Variants in NEDD9 observed in about 807,000 individuals in gnomAD.
NEDD9 encodes neural precursor cell expressed, developmentally down-regulated 9.
Under a neutral mutation model 76.6 loss-of-function variants are expected in NEDD9, and 26 were observed. The observed-to-expected ratio is 0.34, with a 90% CI of 0.25 to 0.47. The LOEUF is 0.47. Ranked by LOEUF, NEDD9 falls within the 20% of genes least tolerant of loss-of-function variation. The pLI, the probability that NEDD9 is intolerant of heterozygous loss-of-function variation, is 1.00. For synonymous variants in NEDD9, 392 were observed against 414.2 expected, an observed-to-expected ratio of 0.95 and a Z score of 0.65; for missense variants, 937 against 1,058.5, an observed-to-expected ratio of 0.89 and a Z score of 1.59.
chr6:11,232,793 G>C, upstream of NEDD9: 2 of 1,106,720 alleles, frequency 1.8e-6, no homozygotes, highest in South Asian at 3.7e-5. Context: ...AACTGACAAA[G>C]AACTTGTAAT....
At position 11,232,524 on chromosome 6, in the gene NEDD9, C is replaced by A; in HGVS notation, c.-9G>T. 6.2e-7 allele frequency: 1 copy of A among 1,614,206 alleles called. No homozygotes were observed. Among genetic ancestry groups the A allele is most frequent in the Non-Finnish European group, 8.5e-7 (1 of 1,180,032 alleles). ...CTTACCTTATACTTCATTTCGGCAG[C>A]GGTGGGTTGAGCCGTTTTCCTACAC... On this transcript the variant is annotated 5_prime_UTR_variant, in exon 1 of 7. Coordinates refer to ENST00000379446, the MANE Select transcript of NEDD9 (RefSeq NM_006403.4).
chr6:11,323,767 G>A (rs1298294172), intron 2 of NEDD9, among the ~76,000 whole-genome samples: 2 of 152,222 alleles, frequency 1.3e-5, no homozygotes, highest in Admixed American at 6.5e-5. Flanking sequence ...CTGTGGTGTT[G>A]CAAAGTCTCC....
At chr6:11,367,866 A>G (rs1185438521) in intron 1 of NEDD9, among the ~76,000 whole-genome samples, 3 of 152,046 alleles carry the variant, frequency 2.0e-5, no homozygotes, top group Admixed American at 6.6e-5. Context: ...TCTACACAGC[A>G]CCCCTTGCAA....
chr6:11,355,423 A>T (rs1368019908), intron 1 of NEDD9, among the ~76,000 whole-genome samples: 1 of 152,192 alleles, frequency 6.6e-6, no homozygotes, highest in Non-Finnish European at 1.5e-5. Flanking sequence ...AACAACAACA[A>T]CAATAATAAA....
At chr6:11,302,270 A>G (rs1761068168) in intron 3 of NEDD9, among the ~76,000 whole-genome samples, 1 of 152,218 alleles carries the variant, frequency 6.6e-6, no homozygotes, top group Admixed American at 6.5e-5. Flanking sequence ...ATCTAGAAGA[A>G]ATGGATAAAT....
At chr6:11,318,464 C>T (rs182552742) in intron 2 of NEDD9, among the ~76,000 whole-genome samples, 6 of 152,248 alleles carry the variant, frequency 3.9e-5, no homozygotes, top group Admixed American at 6.5e-5. Flanking sequence ...TGTCTGTGAT[C>T]GCTGACGGCG....
intron 3 of NEDD9, among the ~76,000 whole-genome samples, chr6:11,289,310 GA>G (rs1760713941): frequency 2.0e-5 from 3 of 152,258 alleles, no homozygotes; most frequent in Admixed American, 2.0e-4. Flanking sequence ...TATATTTTGG[GA>G]AAAGGCAGCT....
chr6:11,302,279 A>G (rs1175512894), intron 3 of NEDD9, among the ~76,000 whole-genome samples: 1 of 152,226 alleles, frequency 6.6e-6, no homozygotes. Flanking sequence ...AAATGGATAA[A>G]TTCCTGGACA....
At chr6:11,277,887 C>T (rs888667866) in intron 3 of NEDD9, among the ~76,000 whole-genome samples, 1 of 152,138 alleles carries the variant, frequency 6.6e-6, no homozygotes, top group Non-Finnish European at 1.5e-5. Context: ...ATTTGCCTGC[C>T]TCCCACCCAC....
chr6:11,255,024 T>A (rs1435888924), intron 3 of NEDD9, among the ~76,000 whole-genome samples: 2 of 152,240 alleles, frequency 1.3e-5, no homozygotes, highest in Non-Finnish European at 2.9e-5. Context: ...GACTAGCATG[T>A]CTACAGCTGA....
At chr6:11,237,012 A>AG (rs35141828), upstream of NEDD9, among the ~76,000 whole-genome samples, 1 of 152,232 alleles carries the variant, frequency 6.6e-6, no homozygotes, top group South Asian at 2.1e-4. The surrounding 1 kb of genome is among the most constrained non-coding windows in gnomAD (Gnocchi z 4.9). Context: ...TTGCACAGGC[A>AG]GGCCCCTTTG....
At chr6:11,186,980 C>A (rs915382200) in intron 6 of NEDD9, among the ~76,000 whole-genome samples, 7 of 152,168 alleles carry the variant, frequency 4.6e-5, no homozygotes, top group African/African-American at 1.7e-4. Context: ...TCTACAAGTT[C>A]CCCAAAGCCC....
At chr6:11,358,104 C>T (rs553843278) in intron 1 of NEDD9, among the ~76,000 whole-genome samples, 13 of 152,112 alleles carry the variant, frequency 8.5e-5, no homozygotes, top group South Asian at 2.1e-4. Flanking sequence ...AAAAATTAGC[C>T]GGGCGTGCGT....
chr6:11,355,879 C>T (rs1438136340), intron 1 of NEDD9, among the ~76,000 whole-genome samples: 4 of 149,448 alleles, frequency 2.7e-5, no homozygotes, highest in South Asian at 2.1e-4. Context: ...CGCCACCACG[C>T]CCGGCTAATT....
At chr6:11,264,505 G>A (rs923549657) in intron 3 of NEDD9, among the ~76,000 whole-genome samples, 14 of 152,138 alleles carry the variant, frequency 9.2e-5, no homozygotes, top group Admixed American at 9.2e-4. Flanking sequence ...ATTTAGGAAC[G>A]AATCAAACCT....
Position 11,252,110 on chromosome 6 carries a change from G to A in NEDD9, c.13-38383C>T, listed in dbSNP as rs1759925803. ...TGCTGTCCCATGTGAATCAGAGCTT[G>A]TGTTAATATCTTCTAGCTGGGCGCT... On this transcript the variant is annotated intron_variant, in intron 3 of 3. Coordinates refer to the NEDD9 transcript ENST00000397378. The surrounding 1 kb of genome is among the most constrained non-coding windows in gnomAD (Gnocchi z 4.3). Among the ~76,000 whole-genome samples, 1 of 152,208 alleles carries A rather than the reference G, an allele frequency of 6.6e-6. No homozygotes were observed. The highest frequency in any genetic ancestry group is 1.5e-5 in the Non-Finnish European group (1 of 68,030).
At chr6:11,228,044 TA>T (rs1436840769) in intron 1 of NEDD9, among the ~76,000 whole-genome samples, 1 of 123,274 alleles carries the variant, frequency 8.1e-6, no homozygotes, top group Non-Finnish European at 1.6e-5. Context: ...GAATGTGCAT[TA>T]AAAGTGTCAC....
At position 11,190,222 on chromosome 6, in the gene NEDD9, G is replaced by A. The variant is rs1316513894; in HGVS notation, c.1647C>T (p.Ile549=). The A allele has an allele frequency of 6.2e-7, 1 of 1,614,120 alleles. No homozygotes were observed. Among genetic ancestry groups the A allele is most frequent in the Non-Finnish European group, 8.5e-7 (1 of 1,180,040 alleles). The change falls in exon 5 of 7, where the codon ATC becomes ATT. Residue 549 remains isoleucine, a synonymous_variant. Transcript: ENST00000379446. The surrounding 1 kb of genome is among the most constrained non-coding windows in gnomAD (Gnocchi z 5.8). The part of the protein sequence containing the change: ...PDDAKQLTTT[I]NTNAEALFRP... ...TGAAGAGGGCCTCTGCGTTGGTGTT[G>A]ATGGTTGTGGTGAGCTGCTTGGCGT... is the stretch of plus-strand genomic sequence containing the variant.
intron 1 of NEDD9, among the ~76,000 whole-genome samples, chr6:11,378,913 T>C (rs9469022): frequency 0.53 from 80,491 of 152,112 alleles, 21,627 homozygotes; most frequent in East Asian, 0.75. Context: ...GGATTCTTAC[T>C]TAGGGTGGAA....
Sources: allele counts gnomAD v4.1 joint callset (sites outside exome capture counted in the v4.1 genomes callset), GRCh38; gene constraint gnomAD v4.1.1; non-coding constraint Gnocchi (gnomAD v3.1); transcripts MANE v1.5; gene names NCBI Gene and HGNC (gene_info 2026-07-23, HGNC 2026-07-21).